ADAM12: variants seen among roughly 807,000 people sequenced by gnomAD.
ADAM12 encodes ADAM metallopeptidase domain 12.
ADAM12 carries 70 observed loss-of-function variants against 106.4 expected under a neutral mutation model. The observed-to-expected ratio is 0.66, with a 90% confidence interval of 0.54 to 0.80. The LOEUF (loss-of-function observed/expected upper bound fraction) is 0.80. ADAM12 is among the 30% of genes least tolerant of loss of function. The pLI is 0.00. For missense variants in ADAM12, 1,010 were observed against 1,171.9 expected (o/e 0.86, Z 2.02); for synonymous variants, 420 against 433.5 (o/e 0.97, Z 0.39).
chr10:126,259,181 G>A (rs1004816634), intron 3 of ADAM12, among the ~76,000 whole-genome samples: 2 of 152,028 alleles, frequency 1.3e-5, no homozygotes, highest in Non-Finnish European at 2.9e-5. Context: ...GGCTTACACA[G>A]CTCAGTTCCT....
intron 5 of ADAM12, among the ~76,000 whole-genome samples, chr10:126,129,879 C>T (rs1328957695): frequency 6.6e-6 from 1 of 152,128 alleles, no homozygotes; most frequent in Non-Finnish European, 1.5e-5. Context: ...TTTTTGTCTC[C>T]GTGTGCTTTC....
chr10:126,112,928 T>C (rs1348271708), intron 6 of ADAM12, among the ~76,000 whole-genome samples: 1 of 151,492 alleles, frequency 6.6e-6, no homozygotes, highest in Non-Finnish European at 1.5e-5. Context: ...AGGAAACCCA[T>C]ATTCGGGAAA....
Position 126,064,015 on chromosome 10 carries a change from G to T in ADAM12, c.1609+791C>A, listed in dbSNP as rs1339648600. Among the ~76,000 whole-genome samples, 1 of 152,194 alleles carries T rather than the reference G, an allele frequency of 6.6e-6. No homozygotes were observed. On this transcript the variant is annotated intron_variant, in intron 14 of 22. Transcript: ENST00000448723. This position sits in a 1 kb window ranked among gnomAD's most constrained non-coding sequence, Gnocchi z 4.4. ...TGGGCATTGGGTCACAGTAACCCAGGTTCAAATCCTAGCCCGGAGACCTGG... is the reference window on the plus strand; with the variant it reads ...TGGGCATTGGGTCACAGTAACCCAGTTTCAAATCCTAGCCCGGAGACCTGG...
chr10:126,314,692 G>A (rs1159463346), intron 2 of ADAM12, among the ~76,000 whole-genome samples: 1 of 152,116 alleles, frequency 6.6e-6, no homozygotes, highest in Non-Finnish European at 1.5e-5. Context: ...AACCTTCAGT[G>A]GCTCCCCATT....
At chr10:126,221,115 G>A (rs1958082979) in intron 3 of ADAM12, among the ~76,000 whole-genome samples, 2 of 152,228 alleles carry the variant, frequency 1.3e-5, no homozygotes, top group African/African-American at 2.4e-5. Flanking sequence ...TGGGTGCGGT[G>A]GCTCACACTT....
intron 3 of ADAM12, among the ~76,000 whole-genome samples, chr10:126,200,804 T>A (rs939422078): frequency 2.1e-5 from 3 of 145,730 alleles, no homozygotes; most frequent in Non-Finnish European, 4.4e-5. Flanking sequence ...GAGCCCAGGA[T>A]GTGGTTTGAG....
chr10:126,331,770 G>T (rs949444232), intron 1 of ADAM12, among the ~76,000 whole-genome samples: 1 of 152,170 alleles, frequency 6.6e-6, no homozygotes, highest in African/African-American at 2.4e-5. Flanking sequence ...TGGTCTTCAG[G>T]GTGTGGATGG....
chr10:126,368,811 T>C (rs992931688), intron 1 of ADAM12, among the ~76,000 whole-genome samples: 3 of 140,562 alleles, frequency 2.1e-5, no homozygotes, highest in Admixed American at 7.1e-5. Flanking sequence ...AGTAAACATA[T>C]AGTTAAGTTT....
intron 3 of ADAM12, among the ~76,000 whole-genome samples, chr10:126,222,735 T>A (rs1339015302): frequency 2.0e-5 from 3 of 152,100 alleles, no homozygotes; most frequent in African/African-American, 7.2e-5. Flanking sequence ...TTTTCAGGAA[T>A]AGTTGGTGAT....
intron 1 of ADAM12, among the ~76,000 whole-genome samples, chr10:126,359,644 CCT>C (rs1017274495): frequency 6.6e-6 from 1 of 152,196 alleles, no homozygotes; most frequent in African/African-American, 2.4e-5. Flanking sequence ...CAGCTCCACC[CCT>C]GTGACTTTGC....
chr10:126,051,143 G>T (rs747531208), intron 14 of ADAM12, among the ~76,000 whole-genome samples: 1 of 152,128 alleles, frequency 6.6e-6, no homozygotes, highest in Non-Finnish European at 1.5e-5. Context: ...GGGAGGGAGA[G>T]CCTCAGTGTG....
intron 1 of ADAM12, among the ~76,000 whole-genome samples, chr10:126,358,990 C>T (rs1378998802): frequency 1.3e-5 from 2 of 152,226 alleles, no homozygotes; most frequent in South Asian, 4.2e-4. Flanking sequence ...GCTGGGGAAG[C>T]CTCACAATTA....
At chr10:126,141,647 C>A (rs977847186) in intron 4 of ADAM12, among the ~76,000 whole-genome samples, 2 of 152,096 alleles carry the variant, frequency 1.3e-5, no homozygotes, top group Non-Finnish European at 2.9e-5. Context: ...CAACTCTACG[C>A]CATGTGGGAA....
chr10:126,102,280 T>C (rs1955683400), intron 8 of ADAM12, among the ~76,000 whole-genome samples: 1 of 152,074 alleles, frequency 6.6e-6, no homozygotes, highest in Non-Finnish European at 1.5e-5. Flanking sequence ...ATGCCCCTAG[T>C]GTATGAGGCA....
In ADAM12 at chr10:126,085,086, A is replaced by G. The variant is rs145364781; in HGVS notation, c.1145+8899T>C. ...TCTTCCCACTTTAGCTAAATTAAGCAAAGACTTTCAGGGGAAGGCCCTGCT... is the reference window on the plus strand; with the variant it reads ...TCTTCCCACTTTAGCTAAATTAAGCGAAGACTTTCAGGGGAAGGCCCTGCT... On this transcript the variant is annotated intron_variant, in intron 11 of 22. Transcript: ENST00000448723. 4.3e-4 allele frequency among the ~76,000 whole-genome samples: 66 copies of G among 152,358 alleles called. No individual in the cohort carries two copies. The Middle Eastern group carries it at 0.01, about 24-fold the overall frequency.
chr10:126,168,346 CTTCTT>C (rs1957061498), intron 3 of ADAM12, among the ~76,000 whole-genome samples: 1 of 152,176 alleles, frequency 6.6e-6, no homozygotes, highest in Non-Finnish European at 1.5e-5. Context: ...CTGCCATTTT[CTTCTT>C]TTATGACTTT....
At chr10:126,289,493 G>C (rs1422037917) in intron 2 of ADAM12, among the ~76,000 whole-genome samples, 1 of 152,222 alleles carries the variant, frequency 6.6e-6, no homozygotes, top group Non-Finnish European at 1.5e-5. Flanking sequence ...GCACTGGAAA[G>C]CAGGGCTGAT....
intron 1 of ADAM12, among the ~76,000 whole-genome samples, chr10:126,369,835 G>A (rs1161401060): frequency 6.6e-6 from 1 of 152,108 alleles, no homozygotes; most frequent in Non-Finnish European, 1.5e-5. Context: ...TGTAACCCTG[G>A]TAGGGTTAGA....
chr10:126,180,336 G>A (rs1957290979), intron 3 of ADAM12, among the ~76,000 whole-genome samples: 1 of 152,172 alleles, frequency 6.6e-6, no homozygotes, highest in Non-Finnish European at 1.5e-5. Context: ...CTGCATTCAA[G>A]AGCTCGAGAG....
Sources: gnomAD v4.1 joint callset for allele counts (sites outside exome capture counted in the v4.1 genomes callset) on GRCh38, gnomAD v4.1.1 for gene constraint, Gnocchi (gnomAD v3.1) non-coding constraint, MANE v1.5 for transcripts, NCBI Gene and HGNC (gene_info 2026-07-23, HGNC 2026-07-21) for gene names.